SIPA1L3: variants seen among roughly 807,000 people sequenced by gnomAD.
SIPA1L3 encodes signal induced proliferation associated 1 like 3, also known as signal-induced proliferation-associated 1-like protein 3.
A neutral mutation model predicts 150.1 loss-of-function variants in SIPA1L3; 59 were observed. The observed-to-expected ratio is 0.39, with a 90% CI of 0.32 to 0.49. The LOEUF is 0.49. SIPA1L3 is among the 20% of genes least tolerant of loss of function. The pLI is 0.86. For synonymous variants in SIPA1L3, 1,070 were observed against 1,077.6 expected, an observed-to-expected ratio of 0.99 and a Z score of 0.14; for missense variants, 2,211 against 2,489.5, an observed-to-expected ratio of 0.89 and a Z score of 2.38.
At chr19:37,940,761 T>C (rs938126579) in intron 1 of SIPA1L3, among the ~76,000 whole-genome samples, 6 of 150,250 alleles carry the variant, frequency 4.0e-5, no homozygotes, top group African/African-American at 1.5e-4. Context: ...TTTGTATTTT[T>C]AGTAGAGACA....
At chr19:38,132,524 C>G (rs113363003) in intron 10 of SIPA1L3, among the ~76,000 whole-genome samples, 1 of 141,024 alleles carries the variant, frequency 7.1e-6, no homozygotes, top group Non-Finnish European at 1.5e-5. Context: ...GCAGAGGTTG[C>G]GGTGAGCTGA....
At chr19:38,175,315 T>G (rs570934965) in intron 15 of SIPA1L3, among the ~76,000 whole-genome samples, 48 of 152,184 alleles carry the variant, frequency 3.2e-4, no homozygotes, top group African/African-American at 1.1e-3. Context: ...GGACCACAGC[T>G]CGCTCCCTGA....
intron 15 of SIPA1L3, among the ~76,000 whole-genome samples, chr19:38,173,869 A>G (rs1391092631): frequency 6.6e-6 from 1 of 151,824 alleles, no homozygotes; most frequent in Non-Finnish European, 1.5e-5. Context: ...GTCCCAAGGT[A>G]GCAGTGTTTC....
At chr19:38,146,005 G>C (rs2145949196) in intron 12 of SIPA1L3, among the ~76,000 whole-genome samples, 1 of 152,238 alleles carries the variant, frequency 6.6e-6, no homozygotes, top group South Asian at 2.1e-4. Flanking sequence ...TAGGACTGCA[G>C]GCATGCACCG....
intron 1 of SIPA1L3, among the ~76,000 whole-genome samples, chr19:37,961,589 A>G (rs1369312167): frequency 1.3e-5 from 2 of 152,198 alleles, no homozygotes; most frequent in Non-Finnish European, 2.9e-5. Context: ...CGTTGTGTCC[A>G]GTGTGGCTCT....
chr19:38,050,741 G>A lies in SIPA1L3; in HGVS notation c.-311+21585G>A, dbSNP rs568027585. Among the ~76,000 whole-genome samples the A allele has an allele frequency of 1.5e-4, 23 of 151,958 alleles. 1 individual carries two copies. Among genetic ancestry groups the A allele is most frequent in the African/African-American group, 5.3e-4 (22 of 41,430 alleles). On this transcript the variant is annotated intron_variant, in intron 2 of 21. Transcript: ENST00000222345. ...TCGAGTGCTGTATATTCATTTCCAC[G>A]TGTGTAGTTTTTAATTTTTAAAAGT...
chr19:37,936,356 C>G (rs994026778), intron 1 of SIPA1L3, among the ~76,000 whole-genome samples: 1 of 152,180 alleles, frequency 6.6e-6, no homozygotes, highest in African/African-American at 2.4e-5. Flanking sequence ...TAAACAGAGA[C>G]AGCATACATT....
At chr19:38,111,571 C>G (rs886547655) in intron 8 of SIPA1L3, among the ~76,000 whole-genome samples, 1 of 152,154 alleles carries the variant, frequency 6.6e-6, no homozygotes, top group Non-Finnish European at 1.5e-5. Flanking sequence ...CAGTAGTCAC[C>G]GCGAAATTAC....
chr19:38,003,378 TC>T (rs1014376601), intron 1 of SIPA1L3, among the ~76,000 whole-genome samples: 2 of 152,172 alleles, frequency 1.3e-5, no homozygotes, highest in African/African-American at 2.4e-5. Context: ...TCACAGAGGC[TC>T]CCCAAGGAAG....
chr19:38,117,935 G>A (rs186832974), intron 8 of SIPA1L3, among the ~76,000 whole-genome samples: 1 of 152,082 alleles, frequency 6.6e-6, no homozygotes, highest in Non-Finnish European at 1.5e-5. Context: ...ACAGGCCTGT[G>A]CCACCACACC....
chr19:38,180,033 G>T (rs1972522923), intron 15 of SIPA1L3, among the ~76,000 whole-genome samples: 1 of 152,114 alleles, frequency 6.6e-6, no homozygotes, highest in African/African-American at 2.4e-5. Flanking sequence ...TAGAGATGGG[G>T]TTTCACCATA....
At chr19:37,916,958 C>CAA (rs370726629) in intron 1 of SIPA1L3, among the ~76,000 whole-genome samples, 3 of 133,962 alleles carry the variant, frequency 2.2e-5, no homozygotes, top group Non-Finnish European at 3.2e-5. Flanking sequence ...GACTCCTTCT[C>CAA]AAAAAAAAAA....
chr19:38,102,751 G>C (rs1393101989), intron 6 of SIPA1L3, among the ~76,000 whole-genome samples: 1 of 151,260 alleles, frequency 6.6e-6, no homozygotes, highest in African/African-American at 2.4e-5. Flanking sequence ...TGGATTGCTT[G>C]AGCCTGGGAG....
chr19:38,057,938 A>G (rs944229958), intron 2 of SIPA1L3, among the ~76,000 whole-genome samples: 1 of 152,140 alleles, frequency 6.6e-6, no homozygotes, highest in Admixed American at 6.5e-5. Context: ...CCGGGATTAC[A>G]GGCCTGAGCC....
chr19:38,046,510 G>A lies in SIPA1L3; in HGVS notation c.-311+17354G>A, dbSNP rs1969060629. Among the ~76,000 whole-genome samples the A allele has an allele frequency of 6.6e-6, 1 of 152,224 alleles. No homozygotes were observed. ...TGTTCTGGGCCCTGCCCTGGAAAGA[G>A]GCAGGGTGGCCGGGGAGGGGAGTTT... On this transcript the variant is annotated intron_variant, in intron 2 of 21. Coordinates refer to ENST00000222345, the MANE Select transcript of SIPA1L3 (RefSeq NM_015073.3). The surrounding 1 kb of genome is among the most constrained non-coding windows in gnomAD (Gnocchi z 5.6).
intron 3 of SIPA1L3, among the ~76,000 whole-genome samples, chr19:38,085,288 G>A (rs1218064040): frequency 2.0e-5 from 3 of 151,964 alleles, no homozygotes; most frequent in African/African-American, 7.2e-5. Flanking sequence ...AGACCATCCT[G>A]GCTAACACGG....
Position 38,207,088 on chromosome 19 carries a change from T to TC in SIPA1L3, c.*849dup, listed in dbSNP as rs1372030969. ...GGTGGAGCCACCACACAGCCGACTC[T>TC]CTCCTCCTCCTCCCGGCACGACCTG... is the stretch of plus-strand genomic sequence containing the variant. On this transcript the variant is annotated 3_prime_UTR_variant, in exon 22 of 22. Coordinates refer to ENST00000222345, the MANE Select transcript of SIPA1L3 (RefSeq NM_015073.3). The TC allele has an allele frequency of 1.3e-5, 2 of 151,958 alleles. No homozygotes were observed. Among genetic ancestry groups the TC allele is most frequent in the Admixed American group, 1.3e-4 (2 of 15,264 alleles). 9.4% of individuals were successfully genotyped at this position (151,958 alleles called of 1,614,324 possible). A position where few individuals can be genotyped will look rare whatever the true frequency, so the allele number is the denominator to read the frequency against.
At chr19:38,195,755 C>T (rs1972907627) in intron 18 of SIPA1L3, among the ~76,000 whole-genome samples, 1 of 150,810 alleles carries the variant, frequency 6.6e-6, no homozygotes, top group East Asian at 1.9e-4. Flanking sequence ...GCCCTCCCTT[C>T]CCCTACCAGG....
At chr19:38,111,705 C>T (rs895141976) in intron 8 of SIPA1L3, among the ~76,000 whole-genome samples, 3 of 152,236 alleles carry the variant, frequency 2.0e-5, no homozygotes, top group African/African-American at 7.2e-5. Flanking sequence ...GGAGCCAGCA[C>T]ACTGCATGGC....
Sources: allele counts gnomAD v4.1 joint callset (sites outside exome capture counted in the v4.1 genomes callset), GRCh38; gene constraint gnomAD v4.1.1; non-coding constraint Gnocchi (gnomAD v3.1); transcripts MANE v1.5; gene names NCBI Gene and HGNC (gene_info 2026-07-23, HGNC 2026-07-21).